The following PCDH11Y variants were observed in gnomAD, a reference collection of about 807,000 sequenced individuals.
The protein encoded by PCDH11Y is protocadherin-11 Y-linked.
For missense variants in PCDH11Y, 12 were observed against 224.8 expected, an observed-to-expected ratio of 0.05 and a Z score of 6.05; for synonymous variants, 9 against 83.6, an observed-to-expected ratio of 0.11 and a Z score of 4.87.
At chrY:5,582,879 G>A (rs2053451934) in intron 4 of PCDH11Y, among the ~76,000 whole-genome samples, 2 of 32,950 alleles carry the variant, frequency 6.1e-5, no homozygotes, top group Non-Finnish European at 1.5e-4. Flanking sequence ...ATAATGAAAT[G>A]TGATCTCATT....
downstream of PCDH11Y, chrY:5,104,206 C>A: frequency 3.5e-6 from 1 of 284,746 alleles, no homozygotes; most frequent in Non-Finnish European, 5.2e-6. Context: ...TTGGTATTCG[C>A]TATTGTAAAA....
intron 3 of PCDH11Y, among the ~76,000 whole-genome samples, chrY:5,541,599 GC>G (rs2053406671): frequency 3.1e-5 from 1 of 32,250 alleles, no homozygotes; most frequent in Non-Finnish European, 7.7e-5. Context: ...TCATGCCATG[GC>G]CCCTTCCAGC....
chrY:5,144,555 A>G (rs1602875903), intron 2 of PCDH11Y, among the ~76,000 whole-genome samples: 1 of 33,303 alleles, frequency 3.0e-5, no homozygotes, highest in East Asian at 8.0e-4. Flanking sequence ...CATTTACCAC[A>G]AAGCTTCCAA....
At chrY:5,184,948 AT>A (rs2052904872) in intron 2 of PCDH11Y, among the ~76,000 whole-genome samples, 2 of 31,543 alleles carry the variant, frequency 6.3e-5, no homozygotes, top group East Asian at 1.7e-3. Flanking sequence ...CCACTTGTTT[AT>A]TTTTGCTTTT....
chrY:5,201,987 T>TA (rs2052927381), intron 2 of PCDH11Y, among the ~76,000 whole-genome samples: 1 of 33,836 alleles, frequency 3.0e-5, no homozygotes, highest in Non-Finnish European at 7.3e-5. Context: ...CATTGACTTA[T>TA]AACTGTATCT....
chrY:5,355,844 T>C, intron 2 of PCDH11Y, among the ~76,000 whole-genome samples: 1 of 33,914 alleles, frequency 2.9e-5, no homozygotes, highest in Non-Finnish European at 7.3e-5. Context: ...CTTAAAGATA[T>C]GTACAGTGTT....
chrY:5,429,754 T>G (rs1602924036), intron 2 of PCDH11Y, among the ~76,000 whole-genome samples: 250 of 33,073 alleles, frequency 7.6e-3, no homozygotes, highest in African/African-American at 0.029. Context: ...TACCATAGCC[T>G]TGATCTCCTG....
chrY:5,182,919 G>A (rs2124647206), intron 2 of PCDH11Y, among the ~76,000 whole-genome samples: 2 of 33,887 alleles, frequency 5.9e-5, no homozygotes, highest in South Asian at 6.5e-4. Context: ...AACTTGTGAG[G>A]CAACAGGAAG....
chrY:5,048,862 G>A, intron 3 of PCDH11Y, among the ~76,000 whole-genome samples: 1 of 32,828 alleles, frequency 3.0e-5, no homozygotes, highest in Non-Finnish European at 7.4e-5. Context: ...TTACTCTATT[G>A]ATGGTTTCTT....
intron 2 of PCDH11Y, among the ~76,000 whole-genome samples, chrY:5,134,583 A>G: frequency 3.2e-5 from 1 of 31,575 alleles, no homozygotes. Flanking sequence ...ATGTTTATTC[A>G]GCATCAACCA....
chrY:5,360,058 C>A (rs2053173101), intron 2 of PCDH11Y, among the ~76,000 whole-genome samples: 1 of 31,926 alleles, frequency 3.1e-5, no homozygotes, highest in Non-Finnish European at 7.6e-5. Flanking sequence ...ATGTGGTAGG[C>A]ATGATTTCTT....
chrY:5,163,196 C>T, intron 2 of PCDH11Y, among the ~76,000 whole-genome samples: 7 of 31,058 alleles, frequency 2.3e-4, no homozygotes, highest in South Asian at 1.4e-3. Context: ...GGAGGGCTGT[C>T]TTTAAAGTGC....
chrY:5,108,544 G>A (rs376742668), downstream of PCDH11Y, among the ~76,000 whole-genome samples: 1 of 30,527 alleles, frequency 3.3e-5, no homozygotes, highest in Non-Finnish European at 7.8e-5. Flanking sequence ...TCAGGAGATC[G>A]AGACCATCCT....
At chrY:5,603,460 G>A in intron 4 of PCDH11Y, among the ~76,000 whole-genome samples, 1 of 32,601 alleles carries the variant, frequency 3.1e-5, no homozygotes, top group Non-Finnish European at 7.5e-5. Context: ...ATATCTTTAC[G>A]TCACATATTC....
At chrY:5,105,663 G>GA (rs2052791168), downstream of PCDH11Y, among the ~76,000 whole-genome samples, 5 of 28,237 alleles carry the variant, frequency 1.8e-4, no homozygotes, top group Non-Finnish European at 4.3e-4. Flanking sequence ...AAGAAAGAAA[G>GA]AAAAAAAGTT....
intron 2 of PCDH11Y, among the ~76,000 whole-genome samples, chrY:5,151,009 A>T: frequency 2.4e-4 from 8 of 33,498 alleles, no homozygotes; most frequent in Non-Finnish European, 5.2e-4. Context: ...TGGCAATTAA[A>T]CTATAAAGCC....
intron 2 of PCDH11Y, among the ~76,000 whole-genome samples, chrY:5,269,561 G>A (rs2053032134): frequency 2.9e-5 from 1 of 34,191 alleles, no homozygotes; most frequent in South Asian, 6.3e-4. Flanking sequence ...GGATTCCTAA[G>A]GAGAAAACCA....
At chrY:5,061,736 G>A in intron 1 of PCDH11Y, among the ~76,000 whole-genome samples, 1 of 33,090 alleles carries the variant, frequency 3.0e-5, no homozygotes, top group Non-Finnish European at 7.5e-5. Flanking sequence ...GTGTTTCAAA[G>A]GTTGACAATT....
At chrY:5,295,368 C>A in intron 2 of PCDH11Y, among the ~76,000 whole-genome samples, 1 of 32,413 alleles carries the variant, frequency 3.1e-5, no homozygotes, top group African/African-American at 1.2e-4. Context: ...TCTTTAAGGC[C>A]AGTAACTCTT....
Sources: allele counts gnomAD v4.1 joint callset (sites outside exome capture counted in the v4.1 genomes callset), GRCh38; gene constraint gnomAD v4.1.1; transcripts MANE v1.5; gene names NCBI Gene and HGNC (gene_info 2026-07-23, HGNC 2026-07-21).